CCSER1: variants seen among roughly 807,000 people sequenced by gnomAD.
CCSER1 encodes serine-rich coiled-coil domain-containing protein 1.
CCSER1 carries 41 observed loss-of-function variants against 82.0 expected under a neutral mutation model. The observed-to-expected ratio is 0.50, with a 90% confidence interval of 0.39 to 0.65. The LOEUF is 0.65. Among genes scored for constraint, CCSER1 ranks in the 30% least tolerant of loss-of-function variants. The pLI is 0.00. For missense variants in CCSER1, 1,119 were observed against 1,064.2 expected (o/e 1.05, Z -0.72); for synonymous variants, 414 against 383.9 (o/e 1.08, Z -0.92).
intron 8 of CCSER1, among the ~76,000 whole-genome samples, chr4:90,902,611 G>T (rs890208140): frequency 1.3e-5 from 2 of 152,024 alleles, no homozygotes; most frequent in Admixed American, 1.3e-4. Flanking sequence ...TTTTTCAGAT[G>T]CTGCTTGTTG....
At chr4:90,945,168 G>A (rs866922211) in intron 9 of CCSER1, among the ~76,000 whole-genome samples, 2 of 151,836 alleles carry the variant, frequency 1.3e-5, no homozygotes, top group African/African-American at 4.8e-5. Context: ...ATTTAACTAG[G>A]AAAAAAACTA....
At chr4:90,271,862 ATTTTTTTTTTTTTT>A (rs1176154331) in intron 1 of CCSER1, among the ~76,000 whole-genome samples, 10 of 21,742 alleles carry the variant, frequency 4.6e-4, no homozygotes, top group East Asian at 2.6e-3. Context: ...ATATATATAT[ATTTTTTTTTTTTTT>A]TTTTTTTTTT....
At chr4:91,069,270 T>G (rs967047487) in intron 9 of CCSER1, among the ~76,000 whole-genome samples, 10 of 152,202 alleles carry the variant, frequency 6.6e-5, no homozygotes, top group Non-Finnish European at 1.2e-4. Flanking sequence ...AGTTTATTAA[T>G]TTTCCTGAAA....
At chr4:90,930,108 A>G (rs1729547750) in intron 9 of CCSER1, among the ~76,000 whole-genome samples, 2 of 152,236 alleles carry the variant, frequency 1.3e-5, no homozygotes, top group Admixed American at 1.3e-4. Context: ...GCTGAAAATT[A>G]TGTTGTGGTA....
At chr4:90,957,675 C>A (rs1733656241) in intron 9 of CCSER1, among the ~76,000 whole-genome samples, 1 of 111,714 alleles carries the variant, frequency 9.0e-6, no homozygotes. Context: ...TATATAATTT[C>A]ATGGTATATG....
intron 9 of CCSER1, among the ~76,000 whole-genome samples, chr4:91,069,479 CATTTAATTAAT>C (rs1721203201): frequency 6.6e-6 from 1 of 151,818 alleles, no homozygotes; most frequent in African/African-American, 2.4e-5. Flanking sequence ...TCATTCAGTT[CATTTAATTAAT>C]ATTAGTTTAG....
intron 7 of CCSER1, among the ~76,000 whole-genome samples, chr4:90,807,538 C>A (rs540246867): frequency 1.2e-4 from 18 of 152,026 alleles, no homozygotes; most frequent in Admixed American, 1.1e-3. Context: ...AAGTTTGAGG[C>A]CAGCATGGAC....
chr4:90,444,535 G>A (rs1560527027), intron 4 of CCSER1, among the ~76,000 whole-genome samples: 1 of 151,954 alleles, frequency 6.6e-6, no homozygotes, highest in Non-Finnish European at 1.5e-5. Flanking sequence ...TATATGATAA[G>A]GATGCATTTT....
chr4:90,485,779 G>A (rs568181946), intron 5 of CCSER1, among the ~76,000 whole-genome samples: 4 of 152,142 alleles, frequency 2.6e-5, no homozygotes, highest in African/African-American at 9.6e-5. Context: ...GTTCCCACTT[G>A]TAAGGGAGAA....
At chr4:91,263,944 T>A (rs1049744751) in intron 10 of CCSER1, among the ~76,000 whole-genome samples, 9 of 151,976 alleles carry the variant, frequency 5.9e-5, no homozygotes, top group Non-Finnish European at 1.3e-4. Flanking sequence ...ACTTGAAGTT[T>A]CTTCCAAAAC....
chr4:90,747,034 G>C (rs1747595613), intron 7 of CCSER1, among the ~76,000 whole-genome samples: 1 of 151,936 alleles, frequency 6.6e-6, no homozygotes, highest in South Asian at 2.1e-4. Flanking sequence ...ACTGAGGAGT[G>C]GTAAAGATCA....
At chr4:91,451,297 A>G (rs1322741464) in intron 10 of CCSER1, among the ~76,000 whole-genome samples, 2 of 152,036 alleles carry the variant, frequency 1.3e-5, no homozygotes, top group Non-Finnish European at 2.9e-5. Flanking sequence ...AAACATTAAG[A>G]CTGTGGCATG....
intron 5 of CCSER1, among the ~76,000 whole-genome samples, chr4:90,539,953 T>A (rs899439118): frequency 7.9e-5 from 12 of 152,022 alleles, no homozygotes; most frequent in Non-Finnish European, 2.9e-5. Context: ...ATAGAGACCC[T>A]TCTATTCTAA....
chr4:91,232,727 T>A (rs1738718205), intron 10 of CCSER1, among the ~76,000 whole-genome samples: 1 of 151,860 alleles, frequency 6.6e-6, no homozygotes, highest in African/African-American at 2.4e-5. Context: ...AGACAAAATT[T>A]TAATGTTAAA....
At chr4:90,212,887 G>A (rs1740294825) in intron 1 of CCSER1, among the ~76,000 whole-genome samples, 1 of 152,192 alleles carries the variant, frequency 6.6e-6, no homozygotes, top group African/African-American at 2.4e-5. Context: ...AGACCTCTTA[G>A]CAGGAGAGGA....
intron 10 of CCSER1, among the ~76,000 whole-genome samples, chr4:91,332,812 A>C (rs188313933): frequency 6.6e-6 from 1 of 152,124 alleles, no homozygotes; most frequent in Non-Finnish European, 1.5e-5. Flanking sequence ...ATCTGAACCT[A>C]CTTTTTATAT....
At chr4:90,805,442 G>C (rs1757382790) in intron 7 of CCSER1, among the ~76,000 whole-genome samples, 1 of 152,172 alleles carries the variant, frequency 6.6e-6, no homozygotes, top group Admixed American at 6.5e-5. Flanking sequence ...TTCTGCAAAG[G>C]AGTAACCTCA....
At chr4:91,296,017 G>A (rs994591224) in intron 10 of CCSER1, among the ~76,000 whole-genome samples, 1 of 151,866 alleles carries the variant, frequency 6.6e-6, no homozygotes, top group African/African-American at 2.4e-5. Context: ...CCATGATAAT[G>A]TGGCTTTTTG....
intron 1 of CCSER1, among the ~76,000 whole-genome samples, chr4:90,150,698 TAAG>T (rs1303705219): frequency 9.2e-5 from 14 of 152,132 alleles, no homozygotes; most frequent in Non-Finnish European, 1.6e-4. Context: ...ATGTAATTAT[TAAG>T]AAGAAAAACC....
Sources: allele counts gnomAD v4.1 joint callset (sites outside exome capture counted in the v4.1 genomes callset), GRCh38; gene constraint gnomAD v4.1.1; transcripts MANE v1.5; gene names NCBI Gene and HGNC (gene_info 2026-07-23, HGNC 2026-07-21).